The following SCAPER variants were observed in gnomAD, a reference collection of about 807,000 sequenced individuals.
SCAPER encodes the protein S phase cyclin A-associated protein in the endoplasmic reticulum.
A neutral mutation model predicts 182.2 loss-of-function variants in SCAPER; 98 were observed. That is an observed-to-expected ratio of 0.54 (90% CI 0.46 to 0.64). The LOEUF (loss-of-function observed/expected upper bound fraction) is 0.64. SCAPER is among the 30% of genes least tolerant of loss of function. The pLI is 0.00. For missense variants in SCAPER, 1,432 were observed against 1,690.0 expected, an observed-to-expected ratio of 0.85 and a Z score of 2.68; for synonymous variants, 605 against 564.6, an observed-to-expected ratio of 1.07 and a Z score of -1.01.
At chr15:76,667,708 T>C (rs1450418152) in intron 20 of SCAPER, among the ~76,000 whole-genome samples, 1 of 141,214 alleles carries the variant, frequency 7.1e-6, no homozygotes, top group Non-Finnish European at 1.5e-5. Context: ...ATCCCAAAAC[T>C]TTGGGAAGCC....
chr15:76,789,748 T>C (rs2064867965), intron 8 of SCAPER, among the ~76,000 whole-genome samples: 1 of 152,184 alleles, frequency 6.6e-6, no homozygotes, highest in Non-Finnish European at 1.5e-5. Context: ...AAACTAAAAA[T>C]TACATTTCAT....
chr15:76,357,131 A>C (rs2041016751), intron 29 of SCAPER, among the ~76,000 whole-genome samples: 1 of 137,524 alleles, frequency 7.3e-6, no homozygotes, highest in Non-Finnish European at 1.6e-5. Context: ...TTTAAAAAGA[A>C]GTAACCTTTT....
chr15:76,549,734 C>G (rs748141489), intron 23 of SCAPER, among the ~76,000 whole-genome samples: 1 of 69,742 alleles, frequency 1.4e-5, no homozygotes, highest in East Asian at 4.6e-4. Context: ...TACCCTAAAA[C>G]TTAAAGTGTA....
intron 8 of SCAPER, among the ~76,000 whole-genome samples, chr15:76,794,298 C>A (rs188414825): frequency 1.3e-3 from 205 of 152,190 alleles, no homozygotes; most frequent in Non-Finnish European, 2.6e-3. Context: ...GTATTAATAC[C>A]ATGATTCCTT....
intron 22 of SCAPER, among the ~76,000 whole-genome samples, chr15:76,620,930 C>A (rs143409714): frequency 6.6e-6 from 1 of 152,206 alleles, no homozygotes; most frequent in East Asian, 1.9e-4. Context: ...GATGGGTTGA[C>A]AGGTACAGCA....
chr15:76,702,708 T>C, intron 19 of SCAPER, 142 bp downstream of exon 19: 1 of 919,184 alleles, frequency 1.1e-6, no homozygotes. Context: ...CTCAGTCTCC[T>C]AAAGTGCTGA....
chr15:76,735,924 T>C (rs939113985), intron 15 of SCAPER, among the ~76,000 whole-genome samples: 5 of 152,164 alleles, frequency 3.3e-5, no homozygotes, highest in African/African-American at 1.2e-4. Flanking sequence ...AGTACCTATA[T>C]AGTCAGCCCT....
chr15:76,836,472 C>T (rs1192285889), intron 5 of SCAPER, among the ~76,000 whole-genome samples: 1 of 152,116 alleles, frequency 6.6e-6, no homozygotes, highest in African/African-American at 2.4e-5. Context: ...ATAAAGGATT[C>T]CTTATTCAAT....
intron 7 of SCAPER, among the ~76,000 whole-genome samples, chr15:76,797,899 A>AT (rs963359663): frequency 4.1e-5 from 6 of 145,498 alleles, no homozygotes; most frequent in African/African-American, 1.5e-4. Context: ...AAGATGTCAC[A>AT]TTTTATCATT....
intron 25 of SCAPER, among the ~76,000 whole-genome samples, chr15:76,457,284 C>T (rs1006074487): frequency 3.3e-5 from 5 of 152,032 alleles, no homozygotes; most frequent in South Asian, 2.1e-4. Context: ...AGGATGGTCT[C>T]GATCTCCTGA....
chr15:76,526,680 AT>A (rs905809981), intron 23 of SCAPER, among the ~76,000 whole-genome samples: 15 of 151,736 alleles, frequency 9.9e-5, no homozygotes, highest in South Asian at 2.1e-4. Context: ...TCCAGTCTAG[AT>A]TTTTTTTCCC....
intron 24 of SCAPER, among the ~76,000 whole-genome samples, chr15:76,502,131 A>G (rs1462111828): frequency 6.6e-6 from 1 of 152,194 alleles, no homozygotes; most frequent in East Asian, 1.9e-4. Flanking sequence ...CTCCCTTAAT[A>G]AGTAGCACTT....
intron 9 of SCAPER, among the ~76,000 whole-genome samples, chr15:76,773,073 T>C (rs2063556780): frequency 6.6e-6 from 1 of 151,924 alleles, no homozygotes; most frequent in South Asian, 2.1e-4. Flanking sequence ...ATCAACATTA[T>C]TTATATGTCA....
intron 8 of SCAPER, among the ~76,000 whole-genome samples, chr15:76,777,757 T>C (rs1166159348): frequency 1.3e-5 from 2 of 152,036 alleles, no homozygotes; most frequent in African/African-American, 4.8e-5. Flanking sequence ...GGAAAGAACA[T>C]TGCAATGGTT....
chr15:76,631,415 T>C (rs2053099615), intron 21 of SCAPER, among the ~76,000 whole-genome samples: 2 of 152,206 alleles, frequency 1.3e-5, no homozygotes, highest in African/African-American at 2.4e-5. Flanking sequence ...CGTGTTTTTG[T>C]AGTGGCTGGT....
At chr15:76,693,898 T>C (rs1405466493) in intron 20 of SCAPER, among the ~76,000 whole-genome samples, 1 of 152,132 alleles carries the variant, frequency 6.6e-6, no homozygotes, top group Non-Finnish European at 1.5e-5. Context: ...AAGAGTTCTG[T>C]GGATTAACAG....
chr15:76,812,035 C>T (rs1055248291), intron 5 of SCAPER, among the ~76,000 whole-genome samples: 17 of 151,862 alleles, frequency 1.1e-4, no homozygotes, highest in Non-Finnish European at 5.9e-5. Context: ...CATCAATAGC[C>T]GGGCATGGTG....
intron 20 of SCAPER, among the ~76,000 whole-genome samples, chr15:76,690,562 C>G (rs1245006840): frequency 3.3e-5 from 5 of 151,996 alleles, no homozygotes. Flanking sequence ...AACTCATGTA[C>G]CATGGTAATA....
chr15:76,457,454 ATTCCTTTT>A (rs1221728213), intron 25 of SCAPER, among the ~76,000 whole-genome samples: 1 of 152,070 alleles, frequency 6.6e-6, no homozygotes, highest in African/African-American at 2.4e-5. Flanking sequence ...TTATTCTCTA[ATTCCTTTT>A]TTCCTTTCTT....
Sources: allele counts gnomAD v4.1 joint callset (sites outside exome capture counted in the v4.1 genomes callset), GRCh38; gene constraint gnomAD v4.1.1; transcripts MANE v1.5; gene names NCBI Gene and HGNC (gene_info 2026-07-23, HGNC 2026-07-21).